The following FOXP1 variants were observed in gnomAD, a reference collection of about 807,000 sequenced individuals.
FOXP1 encodes the protein forkhead box protein P1.
FOXP1 carries 15 observed loss-of-function variants against 98.2 expected under a neutral mutation model. The ratio of observed to expected loss-of-function variants is 0.15; its 90% CI spans 0.10 to 0.24. The LOEUF (loss-of-function observed/expected upper bound fraction) is 0.24. Ranked by LOEUF, FOXP1 falls within the 10% of genes least tolerant of loss-of-function variation. The pLI is 1.00. For missense variants in FOXP1, 633 were observed against 848.5 expected, an observed-to-expected ratio of 0.75 and a Z score of 3.15; for synonymous variants, 371 against 314.5, an observed-to-expected ratio of 1.18 and a Z score of -1.90.
chr3:70,957,729 A>G lies in FOXP1; in HGVS notation c.*1518T>C. 4.3e-6 allele frequency: 1 copy of G among 233,618 alleles called. No homozygotes were observed. The highest frequency in any genetic ancestry group is 1.8e-4 in the South Asian group (1 of 5,530). The allele number at this position is 233,618 out of a possible 1,614,324, so 14.5% of individuals were successfully genotyped here. ...GACCCCCCCAAAGCCCAGGGCCTACATGATATCTTCTATGAGTTTTTGTGA... is the reference window on the plus strand; with the variant it reads ...GACCCCCCCAAAGCCCAGGGCCTACGTGATATCTTCTATGAGTTTTTGTGA... On this transcript the variant is annotated 3_prime_UTR_variant, in exon 21 of 21. Coordinates refer to ENST00000649528, the MANE Select transcript of FOXP1 (RefSeq NM_001349338.3).
chr3:71,112,448 T>C (rs926293280), intron 7 of FOXP1, 88 bp downstream of exon 7: 18 of 1,039,850 alleles, frequency 1.7e-5, no homozygotes, highest in Admixed American at 5.2e-5. Flanking sequence ...TTACATGATT[T>C]GCAATGCTCA....
At chr3:71,147,324 T>A (rs568175175) in intron 6 of FOXP1, among the ~76,000 whole-genome samples, 1 of 152,184 alleles carries the variant, frequency 6.6e-6, no homozygotes, top group Non-Finnish European at 1.5e-5. Flanking sequence ...CTTTCAAAGA[T>A]GGGGTCTTGT....
intron 6 of FOXP1, among the ~76,000 whole-genome samples, chr3:71,192,852 G>A (rs1054464976): frequency 6.6e-6 from 1 of 152,160 alleles, no homozygotes; most frequent in African/African-American, 2.4e-5. Flanking sequence ...GTTTTGCCAT[G>A]CTGCCCAGGC....
chr3:71,000,298 A>G (rs964271664), intron 13 of FOXP1, among the ~76,000 whole-genome samples: 3 of 22,094 alleles, frequency 1.4e-4, no homozygotes, highest in African/African-American at 3.6e-4. Flanking sequence ...TAAATACTAG[A>G]TTTTATATAT....
At chr3:71,019,352 G>A (rs1264599357) in intron 11 of FOXP1, among the ~76,000 whole-genome samples, 1 of 151,980 alleles carries the variant, frequency 6.6e-6, no homozygotes, top group African/African-American at 2.4e-5. Flanking sequence ...AAGCTGTCAG[G>A]GTCAGTGATG....
At chr3:71,166,872 T>A (rs1348021135) in intron 6 of FOXP1, among the ~76,000 whole-genome samples, 1 of 152,012 alleles carries the variant, frequency 6.6e-6, no homozygotes, top group Non-Finnish European at 1.5e-5. Flanking sequence ...TGACGATCCT[T>A]CTGAATTGTG....
chr3:71,286,227 C>T (rs2072110222), intron 5 of FOXP1, among the ~76,000 whole-genome samples: 1 of 152,096 alleles, frequency 6.6e-6, no homozygotes, highest in Non-Finnish European at 1.5e-5. Context: ...CCTTGTGTGG[C>T]ACATGACTGT....
chr3:71,220,753 A>AAATT (rs2065305734), intron 5 of FOXP1, among the ~76,000 whole-genome samples: 1 of 24,220 alleles, frequency 4.1e-5, no homozygotes, highest in African/African-American at 1.9e-4. Context: ...ACCCTGTCTC[A>AAATT]AAATAAAATA....
intron 2 of FOXP1, chr3:71,571,203 T>C (rs968083304): frequency 5.9e-5 from 9 of 152,206 alleles, no homozygotes; most frequent in African/African-American, 2.2e-4. Context: ...AAGGTTTTAG[T>C]AACCCAGGAA....
chr3:71,578,633 C>T (rs2047909867), intron 2 of FOXP1, among the ~76,000 whole-genome samples: 1 of 152,162 alleles, frequency 6.6e-6, no homozygotes, highest in African/African-American at 2.4e-5. Context: ...AAGAAGTTGT[C>T]ACATCTGCTA....
intron 3 of FOXP1, among the ~76,000 whole-genome samples, chr3:71,405,292 G>C (rs2082239361): frequency 1.3e-5 from 2 of 152,218 alleles, no homozygotes; most frequent in African/African-American, 4.8e-5. Context: ...CAGAAGGCAG[G>C]TGTGAATGTA....
chr3:71,291,925 T>C (rs537632977), intron 5 of FOXP1, among the ~76,000 whole-genome samples: 7 of 152,174 alleles, frequency 4.6e-5, no homozygotes, highest in Middle Eastern at 6.8e-3. Context: ...CAGGATGATT[T>C]TGATCTCTTG....
chr3:71,503,601 G>GAAAAAAA (rs368279502), intron 2 of FOXP1, among the ~76,000 whole-genome samples: 2 of 75,722 alleles, frequency 2.6e-5, no homozygotes, highest in Non-Finnish European at 4.6e-5. Context: ...ACTCTGTCTC[G>GAAAAAAA]AAAAAAAAAA....
At chr3:71,102,803 G>A (rs1019715955) in intron 7 of FOXP1, among the ~76,000 whole-genome samples, 1 of 152,174 alleles carries the variant, frequency 6.6e-6, no homozygotes, top group Admixed American at 6.5e-5. Context: ...CTCAGGGAGA[G>A]GCAGTAGAGT....
chr3:71,227,981 G>A (rs2065972159), intron 5 of FOXP1, among the ~76,000 whole-genome samples: 1 of 135,882 alleles, frequency 7.4e-6, no homozygotes, highest in Non-Finnish European at 1.6e-5. Flanking sequence ...CCAATTCCAA[G>A]AATGTGGTGG....
chr3:71,501,293 CT>C (rs763654842), intron 2 of FOXP1, among the ~76,000 whole-genome samples: 3,261 of 129,670 alleles, frequency 0.025, 43 homozygotes, highest in African/African-American at 0.085. Flanking sequence ...AAATGCTTTT[CT>C]TTTTTTTTTT....
At chr3:71,233,286 A>G in intron 5 of FOXP1, among the ~76,000 whole-genome samples, 1 of 151,560 alleles carries the variant, frequency 6.6e-6, no homozygotes, top group Non-Finnish European at 1.5e-5. Context: ...GAGGGAAGGG[A>G]AATGGTTTCC....
At chr3:71,414,528 T>G (rs2083053281) in intron 3 of FOXP1, among the ~76,000 whole-genome samples, 1 of 152,236 alleles carries the variant, frequency 6.6e-6, no homozygotes, top group South Asian at 2.1e-4. Flanking sequence ...GAGGACTTAC[T>G]GGGTAAGATT....
chr3:71,390,213 C>A (rs1442034464), intron 3 of FOXP1, among the ~76,000 whole-genome samples: 1 of 152,198 alleles, frequency 6.6e-6, no homozygotes, highest in Non-Finnish European at 1.5e-5. Flanking sequence ...CCCAGCAGCC[C>A]TAAGTCAGGA....
Sources: gnomAD v4.1 joint callset for allele counts (sites outside exome capture counted in the v4.1 genomes callset) on GRCh38, gnomAD v4.1.1 for gene constraint, MANE v1.5 for transcripts, NCBI Gene and HGNC (gene_info 2026-07-23, HGNC 2026-07-21) for gene names.